Variants in ARHGAP28 observed in about 807,000 individuals in gnomAD.
The protein encoded by ARHGAP28 is Rho GTPase activating protein 28, also known as rho GTPase-activating protein 28.
In ARHGAP28, 56 loss-of-function variants were observed where a neutral mutation model predicts 90.7. The ratio of observed to expected loss-of-function variants is 0.62; its 90% confidence interval spans 0.50 to 0.77. The LOEUF is 0.77. Among genes scored for constraint, ARHGAP28 ranks in the 30% least tolerant of loss-of-function variants. The pLI, the probability that ARHGAP28 is intolerant of heterozygous loss-of-function variation, is 0.00. For missense variants in ARHGAP28, 869 were observed against 900.9 expected (o/e 0.96, Z 0.45); for synonymous variants, 308 against 323.3 (o/e 0.95, Z 0.51).
At position 6,873,738 on chromosome 18, in the gene ARHGAP28, A is replaced by G. The variant is rs775233672; in HGVS notation, c.1175A>G (p.Lys392Arg). ...LTVLLDGDRK[K>R]DPGVKVPLVL... ...GTCCTCCTGGACGGTGACCGAAAGAAAGACCCTGGAGTGAAAGTTCCCCTG... is the reference window on the plus strand; with the variant it reads ...GTCCTCCTGGACGGTGACCGAAAGAGAGACCCTGGAGTGAAAGTTCCCCTG... The change falls in exon 9 of 18, where the codon AAA becomes AGA. Residue 392 changes from lysine to arginine, a missense_variant. Coordinates refer to ENST00000383472, the MANE Select transcript of ARHGAP28 (RefSeq NM_001366230.1). 1.2e-6 allele frequency: 2 copies of G among 1,614,022 alleles called. No homozygotes were observed. Among genetic ancestry groups the G allele is most frequent in the Non-Finnish European group, 1.7e-6 (2 of 1,180,020 alleles).
intron 1 of ARHGAP28, among the ~76,000 whole-genome samples, chr18:6,764,819 A>G (rs1049878399): frequency 1.3e-5 from 2 of 152,166 alleles, no homozygotes; most frequent in Admixed American, 6.5e-5. Context: ...GTGCTAAAAA[A>G]CGCTAATGTT....
intron 1 of ARHGAP28, among the ~76,000 whole-genome samples, chr18:6,746,601 C>T (rs530388985): frequency 3.3e-5 from 5 of 152,302 alleles, no homozygotes; most frequent in African/African-American, 1.2e-4. Flanking sequence ...CCTGGGGTTG[C>T]ACCTGTTACA....
chr18:6,873,325 T>A (rs2057104437), intron 7 of ARHGAP28, 84 bp from the exon 8 acceptor site: 2 of 1,169,744 alleles, frequency 1.7e-6, no homozygotes, highest in African/African-American at 1.5e-5. Flanking sequence ...CTGCATAGAT[T>A]TAGAGTGTCC....
intron 10 of ARHGAP28, among the ~76,000 whole-genome samples, chr18:6,879,451 G>A (rs2057159848): frequency 6.6e-6 from 1 of 152,154 alleles, no homozygotes; most frequent in Admixed American, 6.5e-5. Flanking sequence ...TGCCTAGTCA[G>A]GGGTCAGAAA....
At chr18:6,740,668 CT>C (rs1367231613) in intron 1 of ARHGAP28, among the ~76,000 whole-genome samples, 1 of 152,156 alleles carries the variant, frequency 6.6e-6, no homozygotes, top group African/African-American at 2.4e-5. Context: ...GTAGTCTGGA[CT>C]TTTCTGCTAA....
At position 6,898,533 on chromosome 18, in the gene ARHGAP28, C is replaced by T. The variant is rs148619783; in HGVS notation, c.2030+1907C>T. On this transcript the variant is annotated intron_variant, in intron 16 of 17. Coordinates refer to ENST00000383472, the MANE Select transcript of ARHGAP28 (RefSeq NM_001366230.1). Reference sequence around the variant, plus strand: ...GACAGAGACCAACAGGAGCCCCAAACATGTATTCCTCTTCACTATTGGCCT... The same window carrying T: ...GACAGAGACCAACAGGAGCCCCAAATATGTATTCCTCTTCACTATTGGCCT... 982 of 1,614,058 alleles carry T rather than the reference C, an allele frequency of 6.1e-4. 9 individuals carry two copies. In the African/African-American group the frequency reaches 8.7e-3, roughly 14 times the overall value.
At chr18:6,799,759 C>T (rs561032923) in intron 1 of ARHGAP28, among the ~76,000 whole-genome samples, 1 of 152,214 alleles carries the variant, frequency 6.6e-6, no homozygotes, top group East Asian at 1.9e-4. Context: ...CCATAAAAAC[C>T]CTGGAAGAAA....
chr18:6,833,286 A>G (rs946031143), intron 2 of ARHGAP28, among the ~76,000 whole-genome samples: 2 of 152,006 alleles, frequency 1.3e-5, no homozygotes, highest in African/African-American at 4.8e-5. Flanking sequence ...ACAACATACT[A>G]TTAAAATTAA....
chr18:6,764,169 G>A (rs1465539409), intron 1 of ARHGAP28, among the ~76,000 whole-genome samples: 1 of 152,044 alleles, frequency 6.6e-6, no homozygotes, highest in Non-Finnish European at 1.5e-5. Context: ...GAATTGCTTG[G>A]TATTAGAAAA....
At chr18:6,860,489 G>A (rs2056988947) in intron 5 of ARHGAP28, among the ~76,000 whole-genome samples, 1 of 152,178 alleles carries the variant, frequency 6.6e-6, no homozygotes, top group South Asian at 2.1e-4. Flanking sequence ...TCTGCAGGGA[G>A]GATATGATAG....
At chr18:6,821,825 G>A (rs2056628967) in intron 1 of ARHGAP28, among the ~76,000 whole-genome samples, 1 of 152,154 alleles carries the variant, frequency 6.6e-6, no homozygotes, top group African/African-American at 2.4e-5. Context: ...GATTCCATTA[G>A]TAGACCCTTC....
intron 1 of ARHGAP28, among the ~76,000 whole-genome samples, chr18:6,787,442 T>G (rs2056374413): frequency 6.6e-6 from 1 of 152,164 alleles, no homozygotes. Context: ...GATACTTATT[T>G]TTTTCCAGGG....
intron 1 of ARHGAP28, among the ~76,000 whole-genome samples, chr18:6,746,610 C>T (rs944089312): frequency 6.6e-6 from 1 of 152,218 alleles, no homozygotes; most frequent in Non-Finnish European, 1.5e-5. Context: ...GCACCTGTTA[C>T]AATCTCTCAT....
chr18:6,790,028 G>C (rs987112139), intron 1 of ARHGAP28: 1 of 151,942 alleles, frequency 6.6e-6, no homozygotes, highest in Non-Finnish European at 1.5e-5. Context: ...AAAGAGAGAC[G>C]GGGTTTCACC....
intron 1 of ARHGAP28, chr18:6,730,155 G>C: frequency 2.5e-6 from 1 of 401,712 alleles, no homozygotes; most frequent in Admixed American, 5.2e-5. Context: ...GGCTGAAGTC[G>C]TTGGCTAGCA....
intron 1 of ARHGAP28, among the ~76,000 whole-genome samples, chr18:6,737,485 T>C (rs1331344548): frequency 6.6e-6 from 1 of 152,192 alleles, no homozygotes; most frequent in Non-Finnish European, 1.5e-5. Context: ...ACATGCTTTG[T>C]AATTTACTTT....
rs150131529 is a variant in ARHGAP28, at chr18:6,741,787, C to T, written c.122+11844C>T. 3.3e-3 allele frequency among the ~76,000 whole-genome samples: 508 copies of T among 152,348 alleles called. 4 individuals are homozygous for T. The highest frequency in any genetic ancestry group is 0.012 in the African/African-American group (490 of 41,578). ...TCTCTTTTACTCCCCTACCCCCAAC[C>T]CTGCCCACATCCAGTTTGGCTCATT... On this transcript the variant is annotated intron_variant, in intron 1 of 17. Transcript: ENST00000383472.
intron 4 of ARHGAP28, among the ~76,000 whole-genome samples, chr18:6,856,794 G>A (rs1056016817): frequency 2.0e-5 from 3 of 152,178 alleles, no homozygotes; most frequent in Non-Finnish European, 4.4e-5. Flanking sequence ...CCATCCTGGA[G>A]AAGCAAGCCC....
intron 1 of ARHGAP28, among the ~76,000 whole-genome samples, chr18:6,785,002 G>A (rs2056354869): frequency 6.6e-6 from 1 of 152,142 alleles, no homozygotes; most frequent in Non-Finnish European, 1.5e-5. Context: ...AGGAAATTGA[G>A]GAGCTGATTT....
Sources: allele counts gnomAD v4.1 joint callset (sites outside exome capture counted in the v4.1 genomes callset), GRCh38; gene constraint gnomAD v4.1.1; transcripts MANE v1.5; gene names NCBI Gene and HGNC (gene_info 2026-07-23, HGNC 2026-07-21).